The following KIRREL3 variants were observed in gnomAD, a reference collection of about 807,000 sequenced individuals.
The protein encoded by KIRREL3 is kin of IRRE-like protein 3.
Under a neutral mutation model 89.7 loss-of-function variants are expected in KIRREL3, and 36 were observed. The observed-to-expected ratio is 0.40, with a 90% confidence interval of 0.31 to 0.53. KIRREL3 has a LOEUF of 0.53. KIRREL3 is among the 20% of genes least tolerant of loss of function. KIRREL3 has a pLI of 0.49. For synonymous variants in KIRREL3, 445 were observed against 441.4 expected, an observed-to-expected ratio of 1.01 and a Z score of -0.10; for missense variants, 864 against 1,056.6, an observed-to-expected ratio of 0.82 and a Z score of 2.53.
chr11:126,746,438 T>G (rs1004204390), intron 1 of KIRREL3, among the ~76,000 whole-genome samples: 2 of 152,190 alleles, frequency 1.3e-5, no homozygotes, highest in African/African-American at 4.8e-5. Context: ...CCCTAATTCA[T>G]TTCTGTGGCC....
intron 1 of KIRREL3, among the ~76,000 whole-genome samples, chr11:126,700,746 G>A (rs764248474): frequency 5.3e-5 from 8 of 152,076 alleles, no homozygotes; most frequent in African/African-American, 7.2e-5. Flanking sequence ...AAACCTCTCC[G>A]CCTGTCATTC....
At position 126,896,904 on chromosome 11, in the gene KIRREL3, C is replaced by T. The variant is rs1213605832; in HGVS notation, c.55+103551G>A. Among the ~76,000 whole-genome samples, 2 of 152,108 alleles carry T rather than the reference C, an allele frequency of 1.3e-5. No homozygotes were observed. The highest frequency in any genetic ancestry group is 4.8e-5 in the African/African-American group (2 of 41,410). ...CACACGCAGTGGGGATCTTAACAGG[C>T]ATTGCCATTTCTTTTGCTTGATATT... On this transcript the variant is annotated intron_variant, in intron 1 of 16. Transcript: ENST00000525144. This position sits in a 1 kb window ranked among gnomAD's most constrained non-coding sequence, Gnocchi z 4.1.
chr11:126,947,744 A>G (rs1289631424), intron 1 of KIRREL3, among the ~76,000 whole-genome samples: 1 of 152,234 alleles, frequency 6.6e-6, no homozygotes, highest in Non-Finnish European at 1.5e-5. Context: ...CTTTTCACTT[A>G]GCTAAAACAA....
chr11:126,775,511 T>C (rs1280445588), intron 1 of KIRREL3, among the ~76,000 whole-genome samples: 1 of 152,090 alleles, frequency 6.6e-6, no homozygotes, highest in Non-Finnish European at 1.5e-5. Flanking sequence ...GGCTTGGCCT[T>C]ATTTGTGACC....
chr11:126,838,928 C>T (rs1399553196), intron 1 of KIRREL3, among the ~76,000 whole-genome samples: 1 of 152,190 alleles, frequency 6.6e-6, no homozygotes, highest in East Asian at 1.9e-4. Context: ...GATTGTGTCT[C>T]TCACATTCCT....
rs886319445 is a variant in KIRREL3 at position 126,579,122 on chromosome 11, C to T, written c.56-16210G>A. 9.9e-5 allele frequency among the ~76,000 whole-genome samples: 15 copies of T among 152,142 alleles called. No homozygotes were observed. Among genetic ancestry groups the T allele is most frequent in the African/African-American group, 3.4e-4 (14 of 41,502 alleles). On this transcript the variant is annotated intron_variant, in intron 1 of 16. Coordinates refer to ENST00000525144, the MANE Select transcript of KIRREL3 (RefSeq NM_032531.4). This position sits in a 1 kb window ranked among gnomAD's most constrained non-coding sequence, Gnocchi z 5.3. ...TTTGCACCAGAGCTCACCAATGTCT[C>T]GGAGAGGTCCTCCCTTCCTGCCAGC...
chr11:126,510,009 A>AAAAAG (rs1565510652), intron 4 of KIRREL3, among the ~76,000 whole-genome samples: 3 of 149,998 alleles, frequency 2.0e-5, no homozygotes, highest in African/African-American at 7.4e-5. Flanking sequence ...AAAAAAAAAA[A>AAAAAG]AAAAAAAAAG....
At chr11:126,925,710 C>A (rs540200876) in intron 1 of KIRREL3, among the ~76,000 whole-genome samples, 3 of 152,324 alleles carry the variant, frequency 2.0e-5, no homozygotes, top group African/African-American at 7.2e-5. Context: ...TTGTGGTCAC[C>A]TCTGCTGCCT....
intron 1 of KIRREL3, among the ~76,000 whole-genome samples, chr11:126,727,774 G>A (rs943785181): frequency 6.6e-6 from 1 of 152,196 alleles, no homozygotes; most frequent in Non-Finnish European, 1.5e-5. Flanking sequence ...GTCTCTGTGA[G>A]GACAAAAGAA....
At chr11:126,779,546 G>A (rs555019063) in intron 1 of KIRREL3, among the ~76,000 whole-genome samples, 2 of 151,976 alleles carry the variant, frequency 1.3e-5, no homozygotes, top group Non-Finnish European at 2.9e-5. Context: ...ATCTCTCATT[G>A]CACTGTAATA....
chr11:126,718,449 G>A (rs1332808620), intron 1 of KIRREL3, among the ~76,000 whole-genome samples: 1 of 152,196 alleles, frequency 6.6e-6, no homozygotes, highest in African/African-American at 2.4e-5. Context: ...CAAATATAAG[G>A]ACGAGGGTGT....
Position 126,766,643 on chromosome 11 carries a change from G to C in KIRREL3, c.56-203731C>G, listed in dbSNP as rs1949833686. 6.6e-6 allele frequency among the ~76,000 whole-genome samples: 1 copy of C among 152,020 alleles called. No individual in the cohort carries two copies. Among genetic ancestry groups the C allele is most frequent in the Admixed American group, 6.6e-5 (1 of 15,262 alleles). ...ATTCCATTACCATTTCCTCAAATGG[G>C]GAGTGTACACACGGAAGTTCTTTTC... On this transcript the variant is annotated intron_variant, in intron 1 of 16. Transcript: ENST00000525144. The surrounding 1 kb of genome is among the most constrained non-coding windows in gnomAD (Gnocchi z 4.2).
rs183287223 is a variant in KIRREL3, at chr11:126,908,826, G to A, written c.55+91629C>T. Among the ~76,000 whole-genome samples, 86 of 152,238 alleles carry A rather than the reference G, an allele frequency of 5.6e-4. No homozygotes were observed. Among genetic ancestry groups the A allele is most frequent in the African/African-American group, 1.9e-3 (81 of 41,540 alleles). ...GCAGTCATCCCTCGTTATTCAAGGAGGATTGGTTCCTGGATCCTCTTGGGT... is the reference window on the plus strand; with the variant it reads ...GCAGTCATCCCTCGTTATTCAAGGAAGATTGGTTCCTGGATCCTCTTGGGT... On this transcript the variant is annotated intron_variant, in intron 1 of 16. Coordinates refer to ENST00000525144, the MANE Select transcript of KIRREL3 (RefSeq NM_032531.4). The surrounding 1 kb of genome is among the most constrained non-coding windows in gnomAD (Gnocchi z 4.2).
intron 1 of KIRREL3, among the ~76,000 whole-genome samples, chr11:126,591,209 G>A (rs1305845705): frequency 2.0e-5 from 3 of 152,188 alleles, no homozygotes; most frequent in Non-Finnish European, 4.4e-5. Flanking sequence ...CTGGGTGACA[G>A]AGGGAGATCC....
In KIRREL3 at chr11:126,431,373, T is replaced by G. The variant is rs745554312; in HGVS notation, c.1696+46A>C. The G allele has an allele frequency of 6.2e-7, 1 of 1,608,770 alleles. No individual in the cohort carries two copies. The highest frequency in any genetic ancestry group is 8.5e-7 in the Non-Finnish European group (1 of 1,177,568). ...TCTCCGGGGCAGCCTAAGCCTGGCCTTTTTCTCTGTCCCCCTCCCTGAGAT... is the reference window on the plus strand; with the variant it reads ...TCTCCGGGGCAGCCTAAGCCTGGCCGTTTTCTCTGTCCCCCTCCCTGAGAT... On this transcript the variant is annotated intron_variant, in intron 14 of 16. Coordinates refer to ENST00000525144, the MANE Select transcript of KIRREL3 (RefSeq NM_032531.4). The surrounding 1 kb of genome is among the most constrained non-coding windows in gnomAD (Gnocchi z 7.1).
rs1316793659 is a variant in KIRREL3 at position 126,788,949 on chromosome 11, T to C, written c.55+211506A>G. ...CTACTGGAGTGTGAGGCTGGGCACC[T>C]AGTCAAACAAATCCCTGTCAAGATT... On this transcript the variant is annotated intron_variant, in intron 1 of 16. Coordinates refer to ENST00000525144, the MANE Select transcript of KIRREL3 (RefSeq NM_032531.4). The surrounding 1 kb of genome is among the most constrained non-coding windows in gnomAD (Gnocchi z 4.1). Among the ~76,000 whole-genome samples the C allele has an allele frequency of 6.6e-6, 1 of 152,188 alleles. No homozygotes were observed.
intron 7 of KIRREL3, among the ~76,000 whole-genome samples, chr11:126,450,575 G>T (rs535784072): frequency 6.6e-6 from 1 of 151,134 alleles, no homozygotes; most frequent in Non-Finnish European, 1.5e-5. Flanking sequence ...GCGTGTGCAT[G>T]TGTGCATGTG....
intron 2 of KIRREL3, among the ~76,000 whole-genome samples, chr11:126,529,356 C>A (rs1199199892): frequency 4.6e-5 from 7 of 152,114 alleles, no homozygotes; most frequent in Admixed American, 1.3e-4. Flanking sequence ...CTCTGAGTGG[C>A]CACAGACCCT....
intron 1 of KIRREL3, among the ~76,000 whole-genome samples, chr11:126,577,088 A>G (rs1446037608): frequency 2.6e-5 from 4 of 152,136 alleles, no homozygotes; most frequent in Non-Finnish European, 1.5e-5. Flanking sequence ...AGGAAGAGAG[A>G]AATAGAATGT....
Sources: allele counts gnomAD v4.1 joint callset (sites outside exome capture counted in the v4.1 genomes callset), GRCh38; gene constraint gnomAD v4.1.1; non-coding constraint Gnocchi (gnomAD v3.1); transcripts MANE v1.5; gene names NCBI Gene and HGNC (gene_info 2026-07-23, HGNC 2026-07-21).